Variants in KIF16B observed in about 807,000 individuals in gnomAD.
KIF16B encodes kinesin-like protein KIF16B.
Under a neutral mutation model 156.3 loss-of-function variants are expected in KIF16B, and 98 were observed. The observed-to-expected ratio is 0.63, with a 90% CI of 0.53 to 0.74. KIF16B has a LOEUF of 0.74. KIF16B is among the 30% of genes least tolerant of loss of function. The pLI, the probability that KIF16B is intolerant of heterozygous loss-of-function variation, is 0.00. For missense variants in KIF16B, 1,421 were observed against 1,606.5 expected, an observed-to-expected ratio of 0.88 and a Z score of 1.97; for synonymous variants, 564 against 583.7, an observed-to-expected ratio of 0.97 and a Z score of 0.49.
intron 12 of KIF16B, among the ~76,000 whole-genome samples, chr20:16,469,601 GA>G (rs1334821322): frequency 6.8e-6 from 1 of 147,010 alleles, no homozygotes; most frequent in Non-Finnish European, 1.5e-5. Flanking sequence ...AAAGTAAGCA[GA>G]AAAAAATAAA....
At chr20:16,471,776 A>C (rs1311181671) in intron 12 of KIF16B, among the ~76,000 whole-genome samples, 1 of 152,244 alleles carries the variant, frequency 6.6e-6, no homozygotes, top group Admixed American at 6.5e-5. Flanking sequence ...TACTGAATTC[A>C]CTGTGAGACA....
chr20:16,566,884 G>A (rs1600714274), intron 1 of KIF16B, among the ~76,000 whole-genome samples: 1 of 152,186 alleles, frequency 6.6e-6, no homozygotes, highest in African/African-American at 2.4e-5. Flanking sequence ...GTGGCCGACA[G>A]TTATACTGGC....
At chr20:16,367,107 T>A (rs1488542714) in intron 22 of KIF16B, 3 of 1,510,414 alleles carry the variant, frequency 2.0e-6, no homozygotes, top group Non-Finnish European at 2.7e-6. Flanking sequence ...TTATTAATGA[T>A]CTCAAAAAAC....
chr20:16,535,370 T>A (rs1293415505), intron 1 of KIF16B, among the ~76,000 whole-genome samples: 1 of 152,236 alleles, frequency 6.6e-6, no homozygotes, highest in Non-Finnish European at 1.5e-5. Flanking sequence ...AATTCATTCA[T>A]CAGTTCTAAG....
At chr20:16,317,157 C>A (rs1326444263) in intron 24 of KIF16B, among the ~76,000 whole-genome samples, 1 of 152,144 alleles carries the variant, frequency 6.6e-6, no homozygotes, top group Non-Finnish European at 1.5e-5. Context: ...TATATTTACA[C>A]ATTTTCATTT....
At chr20:16,406,531 C>A in intron 15 of KIF16B, 75 bp from the exon 16 acceptor site, 1 of 1,191,136 alleles carries the variant, frequency 8.4e-7, no homozygotes, top group South Asian at 1.2e-5. Context: ...ACATGGAATT[C>A]TACTGTTGAA....
At chr20:16,486,380 C>T (rs6075063) in intron 12 of KIF16B, among the ~76,000 whole-genome samples, 1 of 152,118 alleles carries the variant, frequency 6.6e-6, no homozygotes. Flanking sequence ...TAGGAATTTC[C>T]TTCTGAACAT....
intron 7 of KIF16B, among the ~76,000 whole-genome samples, chr20:16,507,108 A>C (rs1036738372): frequency 1.6e-4 from 25 of 152,072 alleles, no homozygotes; most frequent in African/African-American, 6.0e-4. Flanking sequence ...TCAAAAAAAA[A>C]AAAAAAATTA....
intron 24 of KIF16B, among the ~76,000 whole-genome samples, chr20:16,324,005 C>A (rs1328222369): frequency 6.6e-6 from 1 of 151,954 alleles, no homozygotes; most frequent in Non-Finnish European, 1.5e-5. Context: ...TGAACGTAAA[C>A]TTGAGGACAT....
chr20:16,499,679 G>A (rs1420147287), intron 10 of KIF16B, among the ~76,000 whole-genome samples: 1 of 152,116 alleles, frequency 6.6e-6, no homozygotes, highest in Non-Finnish European at 1.5e-5. Flanking sequence ...ATCCATTGTT[G>A]AGACTTTTAT....
intron 1 of KIF16B, among the ~76,000 whole-genome samples, chr20:16,562,896 G>C (rs2071118680): frequency 1.3e-5 from 2 of 152,188 alleles, no homozygotes; most frequent in African/African-American, 4.8e-5. Flanking sequence ...CACCCCTGTA[G>C]AACTGTTGTG....
Position 16,273,810 on chromosome 20 carries a change from G to C in KIF16B, c.3796-399C>G, listed in dbSNP as rs987981119. 2.0e-5 allele frequency among the ~76,000 whole-genome samples: 3 copies of C among 152,162 alleles called. No individual in the cohort carries two copies. In the East Asian group the frequency reaches 5.8e-4, roughly 29 times the overall value. Reference sequence around the variant, plus strand: ...CATTGTCATTAAAACCAGCACGTGAGGAATGCCCTCCACTGTCCCACCTAT... The same window carrying C: ...CATTGTCATTAAAACCAGCACGTGACGAATGCCCTCCACTGTCCCACCTAT... On this transcript the variant is annotated intron_variant, in intron 25 of 25. Transcript: ENST00000354981.
chr20:16,475,022 TTAAA>T (rs1432963542), intron 12 of KIF16B, among the ~76,000 whole-genome samples: 1 of 152,244 alleles, frequency 6.6e-6, no homozygotes, highest in African/African-American at 2.4e-5. Flanking sequence ...TCGATAAAAG[TTAAA>T]TGAATGAATG....
Position 16,567,212 on chromosome 20 carries a change from T to C in KIF16B, c.47+6017A>G, listed in dbSNP as rs185017630. On this transcript the variant is annotated intron_variant, in intron 1 of 25. Transcript: ENST00000354981. ...TGAATAAGAGACCTCCTTATTACAG[T>C]CTCTGAGCCCTTGTTCCTCATCTGT... 3.3e-3 allele frequency among the ~76,000 whole-genome samples: 502 copies of C among 152,294 alleles called. 3 individuals are homozygous for C. Among genetic ancestry groups the C allele is most frequent in the Non-Finnish European group, 5.7e-3 (387 of 68,022 alleles).
At chr20:16,476,224 G>T (rs895341573) in intron 12 of KIF16B, among the ~76,000 whole-genome samples, 2 of 151,622 alleles carry the variant, frequency 1.3e-5, no homozygotes, top group African/African-American at 4.8e-5. Flanking sequence ...GTATTTAAAT[G>T]CATATTATAA....
chr20:16,505,986 G>A (rs768096070), intron 8 of KIF16B, 36 bp downstream of exon 8: 5 of 1,611,450 alleles, frequency 3.1e-6, no homozygotes, highest in Non-Finnish European at 4.2e-6. Flanking sequence ...AAAAAGAGGA[G>A]GAAACAGAGG....
At chr20:16,502,943 G>A (rs2068667275) in intron 10 of KIF16B, among the ~76,000 whole-genome samples, 2 of 152,252 alleles carry the variant, frequency 1.3e-5, no homozygotes, top group South Asian at 2.1e-4. Flanking sequence ...GGCTGGGCGC[G>A]GTGGCTCACA....
At chr20:16,435,933 G>A (rs1267682025) in intron 12 of KIF16B, among the ~76,000 whole-genome samples, 3 of 151,396 alleles carry the variant, frequency 2.0e-5, no homozygotes, top group Non-Finnish European at 2.9e-5. Context: ...TTTGTTTATT[G>A]AATTCATGTT....
intron 24 of KIF16B, among the ~76,000 whole-genome samples, chr20:16,329,457 C>T (rs1027164593): frequency 6.6e-6 from 1 of 152,120 alleles, no homozygotes; most frequent in Non-Finnish European, 1.5e-5. Context: ...ACATAGTTTT[C>T]ATACAGAAAA....
Sources: allele counts gnomAD v4.1 joint callset (sites outside exome capture counted in the v4.1 genomes callset), GRCh38; gene constraint gnomAD v4.1.1; transcripts MANE v1.5; gene names NCBI Gene and HGNC (gene_info 2026-07-23, HGNC 2026-07-21).